Variants in DYNC1I1 observed in about 807,000 individuals in gnomAD.
The protein encoded by DYNC1I1 is dynein cytoplasmic 1 intermediate chain 1, also known as cytoplasmic dynein 1 intermediate chain 1.
DYNC1I1 carries 43 observed loss-of-function variants against 86.6 expected under a neutral mutation model. That is an observed-to-expected ratio of 0.50 (90% CI 0.39 to 0.64). The LOEUF (loss-of-function observed/expected upper bound fraction) is 0.64. DYNC1I1 is among the 30% of genes least tolerant of loss of function. The pLI is 0.00. For synonymous variants in DYNC1I1, 262 were observed against 283.7 expected, an observed-to-expected ratio of 0.92 and a Z score of 0.77; for missense variants, 604 against 788.8, an observed-to-expected ratio of 0.77 and a Z score of 2.81.
intron 6 of DYNC1I1, among the ~76,000 whole-genome samples, chr7:95,957,200 A>C (rs1248671299): frequency 6.6e-6 from 1 of 152,224 alleles, no homozygotes; most frequent in Non-Finnish European, 1.5e-5. Context: ...TTACTACCAG[A>C]AATTCCCCAG....
intron 14 of DYNC1I1, among the ~76,000 whole-genome samples, chr7:96,042,446 T>C (rs1490210350): frequency 2.0e-5 from 3 of 152,144 alleles, no homozygotes; most frequent in East Asian, 3.8e-4. Flanking sequence ...GCTCCCCAAA[T>C]ACAGCTTCCA....
intron 5 of DYNC1I1, among the ~76,000 whole-genome samples, chr7:95,861,524 A>G (rs1237893076): frequency 6.6e-6 from 1 of 152,178 alleles, no homozygotes; most frequent in African/African-American, 2.4e-5. Flanking sequence ...CATGGCAGCC[A>G]TCTTACCTAG....
chr7:95,872,310 A>G (rs1790194271), intron 6 of DYNC1I1, among the ~76,000 whole-genome samples: 1 of 152,208 alleles, frequency 6.6e-6, no homozygotes, highest in South Asian at 2.1e-4. Context: ...AAGCTCTGGC[A>G]TATATAACAT....
chr7:96,027,532 T>C (rs1279597985), intron 10 of DYNC1I1, among the ~76,000 whole-genome samples: 2 of 152,182 alleles, frequency 1.3e-5, no homozygotes, highest in Non-Finnish European at 2.9e-5. Flanking sequence ...TGGTTGTTTG[T>C]TAAAATAGGC....
At chr7:95,866,115 C>T (rs1790011038) in intron 5 of DYNC1I1, among the ~76,000 whole-genome samples, 1 of 152,186 alleles carries the variant, frequency 6.6e-6, no homozygotes, top group African/African-American at 2.4e-5. Flanking sequence ...GCTCTTCCTC[C>T]TTTGCTTAGT....
chr7:95,848,515 T>G (rs1396555521), intron 5 of DYNC1I1, among the ~76,000 whole-genome samples: 2 of 152,138 alleles, frequency 1.3e-5, no homozygotes, highest in African/African-American at 4.8e-5. Context: ...CTTATTTCAC[T>G]TAACAAAATG....
Position 95,947,057 on chromosome 7 carries a change from A to G in DYNC1I1, c.491-30455A>G, listed in dbSNP as rs78273052. 7.9e-3 allele frequency among the ~76,000 whole-genome samples: 1,205 copies of G among 152,296 alleles called. 18 individuals carry two copies. The highest frequency in any genetic ancestry group is 0.027 in the African/African-American group (1,133 of 41,550). The stretch of plus-strand genomic sequence containing the variant: ...GTGATGCAAAAGCCCTGGTACAGGT[A>G]GAAATTTTAGTATTTTTAAGGGCCA... On this transcript the variant is annotated intron_variant, in intron 6 of 16. Transcript: ENST00000447467.
chr7:95,810,760 T>TA (rs1794812921), intron 3 of DYNC1I1, among the ~76,000 whole-genome samples: 1 of 152,144 alleles, frequency 6.6e-6, no homozygotes, highest in Non-Finnish European at 1.5e-5. Flanking sequence ...TCCACCGTGT[T>TA]ACTAGTAGAT....
intron 3 of DYNC1I1, 187 bp from the exon 4 acceptor site, chr7:95,813,060 A>G (rs1794864477): frequency 7.6e-7 from 1 of 1,317,062 alleles, no homozygotes; most frequent in African/African-American, 1.5e-5. Flanking sequence ...TCCAAAATAC[A>G]AAAAATTCAC....
chr7:96,039,167 T>C (rs1338203189), intron 13 of DYNC1I1, 110 bp from the exon 14 acceptor site: 1 of 1,253,642 alleles, frequency 8.0e-7, no homozygotes, highest in Non-Finnish European at 1.1e-6. Flanking sequence ...GTGTGGTTGT[T>C]CTAAATTATG....
At chr7:95,972,385 C>T (rs952999476) in intron 6 of DYNC1I1, among the ~76,000 whole-genome samples, 5 of 152,146 alleles carry the variant, frequency 3.3e-5, no homozygotes, top group Non-Finnish European at 7.4e-5. Flanking sequence ...TTTCTCAGCT[C>T]TGACTCCAAG....
chr7:96,019,542 A>G (rs1380796956), intron 10 of DYNC1I1, among the ~76,000 whole-genome samples: 2 of 152,176 alleles, frequency 1.3e-5, no homozygotes, highest in African/African-American at 4.8e-5. Flanking sequence ...AGCCCAACTG[A>G]TGCTAAGGTA....
chr7:95,990,738 A>G lies in DYNC1I1; in HGVS notation c.843+3583A>G, dbSNP rs1004742673. 2.0e-5 allele frequency among the ~76,000 whole-genome samples: 3 copies of G among 152,194 alleles called. No homozygotes were observed. In the South Asian group the frequency reaches 6.2e-4, roughly 32 times the overall value. On this transcript the variant is annotated intron_variant, in intron 9 of 16. Coordinates refer to ENST00000447467, the MANE Select transcript of DYNC1I1 (RefSeq NM_001135556.2). ...TAAATGAATTAATGCATATAAAGGA[A>G]TGATAATTTGGCTGGACACAGTGGC...
At chr7:95,815,123 A>G (rs1794919187) in intron 4 of DYNC1I1, among the ~76,000 whole-genome samples, 1 of 152,070 alleles carries the variant, frequency 6.6e-6, no homozygotes, top group African/African-American at 2.4e-5. Context: ...ACAGTTGAGG[A>G]GCCCTTTGGA....
At chr7:95,996,489 T>C (rs1793871277) in intron 10 of DYNC1I1, among the ~76,000 whole-genome samples, 1 of 152,238 alleles carries the variant, frequency 6.6e-6, no homozygotes, top group South Asian at 2.1e-4. Context: ...TTTAAGTTTA[T>C]GGGCGCCATA....
chr7:96,042,082 T>C (rs1324286177), intron 14 of DYNC1I1, among the ~76,000 whole-genome samples: 2 of 152,180 alleles, frequency 1.3e-5, no homozygotes, highest in Non-Finnish European at 2.9e-5. Flanking sequence ...AAGGATTTTT[T>C]TAAACTACCA....
chr7:95,817,843 G>A (rs1794981180), intron 4 of DYNC1I1, among the ~76,000 whole-genome samples: 1 of 152,128 alleles, frequency 6.6e-6, no homozygotes, highest in South Asian at 2.1e-4. Flanking sequence ...CACATGGATG[G>A]CTCACAAGGG....
intron 9 of DYNC1I1, 90 bp from the exon 10 acceptor site, chr7:95,995,858 G>C: frequency 6.7e-7 from 1 of 1,499,054 alleles, no homozygotes; most frequent in Non-Finnish European, 9.0e-7. Flanking sequence ...CATTTACACT[G>C]TGTAGTATAC....
At chr7:95,788,975 T>A (rs935404420) in intron 1 of DYNC1I1, among the ~76,000 whole-genome samples, 2 of 152,228 alleles carry the variant, frequency 1.3e-5, no homozygotes, top group African/African-American at 4.8e-5. Context: ...CTTCCAGAAT[T>A]GGTTTTCTTT....
Sources: gnomAD v4.1 joint callset for allele counts (sites outside exome capture counted in the v4.1 genomes callset) on GRCh38, gnomAD v4.1.1 for gene constraint, MANE v1.5 for transcripts, NCBI Gene and HGNC (gene_info 2026-07-23, HGNC 2026-07-21) for gene names.